The following LDB2 variants were observed in gnomAD, a reference collection of about 807,000 sequenced individuals.
LDB2 encodes the protein LIM domain binding 2, also known as LIM domain-binding protein 2.
LDB2 carries 12 observed loss-of-function variants against 44.3 expected under a neutral mutation model. The ratio of observed to expected loss-of-function variants is 0.27; its 90% confidence interval spans 0.17 to 0.44. The LOEUF (loss-of-function observed/expected upper bound fraction) is 0.44, where lower values mean the gene tolerates loss of function less well. LDB2 is among the 20% of genes least tolerant of loss of function. The probability of loss-of-function intolerance (pLI) is 1.00; values close to 1 mark genes in which losing one functional copy is unlikely to be tolerated. For synonymous variants in LDB2, 164 were observed against 174.8 expected, an observed-to-expected ratio of 0.94 and a Z score of 0.49; for missense variants, 344 against 473.5, an observed-to-expected ratio of 0.73 and a Z score of 2.54.
intron 5 of LDB2, among the ~76,000 whole-genome samples, chr4:16,542,881 C>T (rs1227528853): frequency 1.3e-5 from 2 of 151,904 alleles, no homozygotes; most frequent in Non-Finnish European, 2.9e-5. Flanking sequence ...CCCATTAACT[C>T]ATGATTTATA....
chr4:16,543,301 T>C (rs1272172391), intron 5 of LDB2, among the ~76,000 whole-genome samples: 1 of 152,090 alleles, frequency 6.6e-6, no homozygotes, highest in Non-Finnish European at 1.5e-5. Context: ...AATGGGATGG[T>C]TGGGTCAAAT....
intron 2 of LDB2, among the ~76,000 whole-genome samples, chr4:16,733,579 A>C (rs1761214982): frequency 6.6e-6 from 1 of 152,200 alleles, no homozygotes; most frequent in Non-Finnish European, 1.5e-5. Context: ...TCTGTGCCTC[A>C]AAGGGAAGCT....
At chr4:16,759,066 G>A (rs1481967371) in intron 2 of LDB2, 92 bp downstream of exon 2, 5 of 758,094 alleles carry the variant, frequency 6.6e-6, no homozygotes, top group Non-Finnish European at 9.1e-6. Context: ...TTATTGTCAG[G>A]CTGTCAGCTC....
intron 7 of LDB2, among the ~76,000 whole-genome samples, chr4:16,504,399 T>TCTGA (rs1718538522): frequency 6.6e-6 from 1 of 152,232 alleles, no homozygotes; most frequent in South Asian, 2.1e-4. Flanking sequence ...AACTATGTTT[T>TCTGA]CTGACTAATC....
intron 1 of LDB2, among the ~76,000 whole-genome samples, chr4:16,865,557 C>T (rs747887388): frequency 5.9e-5 from 9 of 152,134 alleles, no homozygotes; most frequent in Non-Finnish European, 8.8e-5. Context: ...AGAGAAGGGC[C>T]ATTTTCCGTC....
chr4:16,767,019 A>T (rs1769478499), intron 1 of LDB2, among the ~76,000 whole-genome samples: 1 of 152,204 alleles, frequency 6.6e-6, no homozygotes, highest in Non-Finnish European at 1.5e-5. Flanking sequence ...CCTAAAGTGG[A>T]TATGCCTAGA....
intron 2 of LDB2, among the ~76,000 whole-genome samples, chr4:16,717,280 G>A (rs1030711560): frequency 3.3e-5 from 5 of 152,012 alleles, no homozygotes; most frequent in Non-Finnish European, 7.4e-5. Flanking sequence ...TGACTCCGCA[G>A]GGGAAACAAT....
chr4:16,802,720 G>A (rs766127903), intron 1 of LDB2, among the ~76,000 whole-genome samples: 2 of 152,162 alleles, frequency 1.3e-5, no homozygotes, highest in Admixed American at 6.5e-5. Flanking sequence ...CCCACGTGTT[G>A]TGGGAGGGAC....
intron 1 of LDB2, among the ~76,000 whole-genome samples, chr4:16,800,896 C>T (rs932546785): frequency 2.6e-5 from 4 of 152,182 alleles, no homozygotes; most frequent in African/African-American, 9.7e-5. Flanking sequence ...AGGATGGTCT[C>T]GATCTCCTCA....
chr4:16,807,687 C>T (rs1779042162), intron 1 of LDB2, among the ~76,000 whole-genome samples: 1 of 152,194 alleles, frequency 6.6e-6, no homozygotes, highest in South Asian at 2.1e-4. Flanking sequence ...ACAAGCCCTT[C>T]CTGCCCTGGT....
At chr4:16,563,187 G>T (rs2152383521) in intron 5 of LDB2, among the ~76,000 whole-genome samples, 1 of 151,506 alleles carries the variant, frequency 6.6e-6, no homozygotes, top group East Asian at 1.9e-4. Context: ...TGCACATTGT[G>T]CACATGTACC....
chr4:16,888,725 GTCA>G (rs1722475878), intron 1 of LDB2: 19 of 983,354 alleles, frequency 1.9e-5, no homozygotes, highest in Non-Finnish European at 2.2e-5. Context: ...CGTCATCGTC[GTCA>G]TCATCATCAT....
At chr4:16,571,868 T>C (rs891525647) in intron 5 of LDB2, among the ~76,000 whole-genome samples, 4 of 152,228 alleles carry the variant, frequency 2.6e-5, no homozygotes, top group African/African-American at 9.6e-5. Flanking sequence ...ATTATCTAGA[T>C]CAAGACCAGG....
intron 2 of LDB2, among the ~76,000 whole-genome samples, chr4:16,744,146 G>A (rs1010954318): frequency 5.9e-5 from 9 of 151,742 alleles, no homozygotes; most frequent in African/African-American, 2.4e-5. Flanking sequence ...AGACTCATGT[G>A]GTTTGTTTGT....
intron 2 of LDB2, among the ~76,000 whole-genome samples, chr4:16,734,110 G>T (rs1256213910): frequency 6.6e-6 from 1 of 152,144 alleles, no homozygotes; most frequent in Non-Finnish European, 1.5e-5. Context: ...TTTTAAAGTT[G>T]TTGGCTGGAT....
intron 1 of LDB2, among the ~76,000 whole-genome samples, chr4:16,862,152 G>A (rs1712800963): frequency 6.6e-6 from 1 of 152,164 alleles, no homozygotes; most frequent in African/African-American, 2.4e-5. Flanking sequence ...CACAATCTCT[G>A]GGCTATATCT....
At chr4:16,792,546 C>T (rs1187074806) in intron 1 of LDB2, among the ~76,000 whole-genome samples, 1 of 152,158 alleles carries the variant, frequency 6.6e-6, no homozygotes, top group Non-Finnish European at 1.5e-5. Flanking sequence ...CTGCTAAGTC[C>T]TCCTCTCCAC....
rs1289777294 is a variant in LDB2, at chr4:16,549,688, A to G, written c.615+36234T>C. On this transcript the variant is annotated intron_variant, in intron 5 of 7. Transcript: ENST00000304523. ...CAATGTTACCCAGATTAAAAACCCAAGTACTCTCAGTGTATACTATCTGCC... is the reference window on the plus strand; with the variant it reads ...CAATGTTACCCAGATTAAAAACCCAGGTACTCTCAGTGTATACTATCTGCC... Among the ~76,000 whole-genome samples the G allele has an allele frequency of 2.6e-5, 4 of 152,156 alleles. No individual in the cohort carries two copies. The East Asian group carries it at 5.8e-4, about 22-fold the overall frequency.
At chr4:16,737,284 C>T (rs186226136) in intron 2 of LDB2, among the ~76,000 whole-genome samples, 189 of 152,010 alleles carry the variant, frequency 1.2e-3, no homozygotes, top group African/African-American at 4.1e-3. Flanking sequence ...GCTGAAGTGC[C>T]GTGGTGTGAT....
Sources: allele counts gnomAD v4.1 joint callset (sites outside exome capture counted in the v4.1 genomes callset), GRCh38; gene constraint gnomAD v4.1.1; transcripts MANE v1.5; gene names NCBI Gene and HGNC (gene_info 2026-07-23, HGNC 2026-07-21).